The following ATP6V0D2 variants were observed in gnomAD, a reference collection of about 807,000 sequenced individuals.
The protein encoded by ATP6V0D2 is V-type proton ATPase subunit d 2.
A neutral mutation model predicts 40.0 loss-of-function variants in ATP6V0D2; 40 were observed. The observed-to-expected ratio is 1.00, with a 90% CI of 0.78 to 1.30. The LOEUF (loss-of-function observed/expected upper bound fraction) is 1.30. Ranked by LOEUF, ATP6V0D2 falls within the 50% of genes most tolerant of loss-of-function variation. The pLI, the probability that ATP6V0D2 is intolerant of heterozygous loss-of-function variation, is 0.00. For missense variants in ATP6V0D2, 470 were observed against 423.1 expected (o/e 1.11, Z -0.97); for synonymous variants, 179 against 156.3 (o/e 1.15, Z -1.08).
chr8:86,100,432 A>C (rs1398275386), intron 1 of ATP6V0D2, among the ~76,000 whole-genome samples: 1 of 152,128 alleles, frequency 6.6e-6, no homozygotes, highest in African/African-American at 2.4e-5. Context: ...CGAACCAATG[A>C]ACCTTCTAAA....
chr8:86,114,317 TG>T (rs1365121343), intron 2 of ATP6V0D2, among the ~76,000 whole-genome samples: 1 of 152,218 alleles, frequency 6.6e-6, no homozygotes, highest in African/African-American at 2.4e-5. Context: ...AAGTTATATA[TG>T]TTTTATTTTT....
intron 1 of ATP6V0D2, among the ~76,000 whole-genome samples, chr8:86,104,850 T>TACACACACACACACACACAC (rs146266622): frequency 0.013 from 1,836 of 146,010 alleles, 29 homozygotes; most frequent in Non-Finnish European, 0.014. Flanking sequence ...TTAAAACACA[T>TACACACACACACACACACAC]ACACACACAC....
At chr8:86,110,473 T>C (rs1217380606) in intron 1 of ATP6V0D2, among the ~76,000 whole-genome samples, 6 of 152,198 alleles carry the variant, frequency 3.9e-5, no homozygotes, top group Non-Finnish European at 7.3e-5. Flanking sequence ...TCAGTAAAGG[T>C]TTATTGGAAG....
At chr8:86,109,070 T>G (rs2130233224) in intron 1 of ATP6V0D2, among the ~76,000 whole-genome samples, 1 of 152,374 alleles carries the variant, frequency 6.6e-6, no homozygotes, top group Middle Eastern at 3.4e-3. Flanking sequence ...TTTGCCACTC[T>G]ACCTTTCTAG....
chr8:86,103,795 A>C (rs1306753145), intron 1 of ATP6V0D2, among the ~76,000 whole-genome samples: 1 of 152,082 alleles, frequency 6.6e-6, no homozygotes, highest in African/African-American at 2.4e-5. Flanking sequence ...ATGTGAGATG[A>C]CAGCTATACA....
At chr8:86,118,082 TTTC>T (rs200908559) in intron 2 of ATP6V0D2, among the ~76,000 whole-genome samples, 2,739 of 80,154 alleles carry the variant, frequency 0.034, 165 homozygotes, top group African/African-American at 0.095. Context: ...TCTTTCTTTC[TTTC>T]TTTTTTTTTT....
intron 2 of ATP6V0D2, among the ~76,000 whole-genome samples, chr8:86,137,911 G>C (rs896444091): frequency 1.3e-5 from 2 of 152,164 alleles, no homozygotes; most frequent in South Asian, 2.1e-4. Flanking sequence ...CAGTGTTGCA[G>C]CTATGGTTTG....
At chr8:86,148,592 G>A (rs889500419) in intron 5 of ATP6V0D2, among the ~76,000 whole-genome samples, 10 of 152,074 alleles carry the variant, frequency 6.6e-5, no homozygotes, top group African/African-American at 2.4e-4. Flanking sequence ...GTTGGACTGC[G>A]GCCTGAGACT....
At chr8:86,101,146 C>CA (rs11414383) in intron 1 of ATP6V0D2, among the ~76,000 whole-genome samples, 80,453 of 129,526 alleles carry the variant, frequency 0.62, 23,418 homozygotes, top group Middle Eastern at 0.66. Context: ...AATTCTGTCT[C>CA]AAAAAAAAAA....
intron 5 of ATP6V0D2, 60 bp downstream of exon 5, chr8:86,143,014 T>C (rs1818998809): frequency 2.4e-6 from 3 of 1,228,000 alleles, no homozygotes; most frequent in South Asian, 2.7e-5. Flanking sequence ...TTTTTATTGT[T>C]TTAACCTTAC....
chr8:86,115,006 A>C (rs1354129005), intron 2 of ATP6V0D2, among the ~76,000 whole-genome samples: 3 of 152,204 alleles, frequency 2.0e-5, no homozygotes. Context: ...AAAGGGGAAC[A>C]AAAGAACAGG....
chr8:86,099,753 C>T (rs1164261350), intron 1 of ATP6V0D2, among the ~76,000 whole-genome samples: 1 of 152,184 alleles, frequency 6.6e-6, no homozygotes, highest in Non-Finnish European at 1.5e-5. Context: ...CTTGGCCTCC[C>T]AAAGTGCTGG....
intron 1 of ATP6V0D2, among the ~76,000 whole-genome samples, chr8:86,113,248 G>A (rs1263717441): frequency 6.6e-6 from 1 of 152,038 alleles, no homozygotes; most frequent in Non-Finnish European, 1.5e-5. Flanking sequence ...GGAGCCTGAG[G>A]TGGACAGATC....
At chr8:86,143,474 T>A (rs1408005888) in intron 5 of ATP6V0D2, among the ~76,000 whole-genome samples, 1 of 152,214 alleles carries the variant, frequency 6.6e-6, no homozygotes, top group Non-Finnish European at 1.5e-5. Context: ...CTTGATTATA[T>A]GCTGAACAAG....
At chr8:86,125,462 T>G (rs1386328263) in intron 2 of ATP6V0D2, among the ~76,000 whole-genome samples, 1 of 152,192 alleles carries the variant, frequency 6.6e-6, no homozygotes, top group Admixed American at 6.5e-5. Context: ...TAAGCACGTG[T>G]GTTTAAAAAA....
intron 5 of ATP6V0D2, among the ~76,000 whole-genome samples, chr8:86,145,195 A>AAAAG (rs796950589): frequency 0.072 from 1,040 of 14,542 alleles, 20 homozygotes; most frequent in Non-Finnish European, 0.098. Flanking sequence ...AGAAAGAAAG[A>AAAAG]AAAGAAAGAA....
At chr8:86,141,202 G>A (rs1292156004) in intron 3 of ATP6V0D2, among the ~76,000 whole-genome samples, 1 of 152,212 alleles carries the variant, frequency 6.6e-6, no homozygotes, top group Non-Finnish European at 1.5e-5. Context: ...ACAGGCCACG[G>A]ACTGGTGTTG....
At chr8:86,132,867 G>A (rs542629837) in intron 2 of ATP6V0D2, among the ~76,000 whole-genome samples, 4 of 152,112 alleles carry the variant, frequency 2.6e-5, no homozygotes, top group African/African-American at 9.6e-5. Context: ...TGGATTGTAT[G>A]GTGTTTCTGT....
rs1272940185 is a variant in ATP6V0D2, at chr8:86,113,737, T to C, written c.159T>C (p.Asp53=). Residue 53 remains aspartate (D), a synonymous_variant, in exon 2 of 8, where the codon GAT becomes GAC. Transcript: ENST00000285393. ...TGAAAATTCATCTCCAGACTACTGATTATGGTAACTTTTTGGCTAATCACA... is the reference window on the plus strand; with the variant it reads ...TGAAAATTCATCTCCAGACTACTGACTATGGTAACTTTTTGGCTAATCACA... ...EDLKIHLQTT[D]YGNFLANHTN... 3 of 1,612,690 alleles carry C rather than the reference T, an allele frequency of 1.9e-6. No homozygotes were observed. The highest frequency in any genetic ancestry group is 2.2e-5 in the East Asian group (1 of 44,832).
Sources: gnomAD v4.1 joint callset for allele counts (sites outside exome capture counted in the v4.1 genomes callset) on GRCh38, gnomAD v4.1.1 for gene constraint, MANE v1.5 for transcripts, NCBI Gene and HGNC (gene_info 2026-07-23, HGNC 2026-07-21) for gene names.